Variants in FAM110A observed in about 807,000 individuals in gnomAD.
FAM110A encodes the protein family with sequence similarity 110 member A.
Under a neutral mutation model 4.0 loss-of-function variants are expected in FAM110A, and 1 was observed. That is an observed-to-expected ratio of 0.25 (90% CI 0.09 to 1.20). FAM110A has a LOEUF of 1.20. Among genes scored for constraint, FAM110A ranks in the 50% most tolerant of loss-of-function variants. The pLI is 0.50. For synonymous variants in FAM110A, 217 were observed against 196.8 expected, an observed-to-expected ratio of 1.10 and a Z score of -0.86; for missense variants, 436 against 429.2, an observed-to-expected ratio of 1.02 and a Z score of -0.14.
chr20:845,476 G>A lies in FAM110A; in HGVS notation c.672G>A (p.Leu224=). 1.9e-6 allele frequency: 3 copies of A among 1,613,250 alleles called. No homozygotes were observed. The highest frequency in any genetic ancestry group is 2.5e-6 in the Non-Finnish European group (3 of 1,179,670). ...EEARGLGVAH[L]ARASSDIVSL... ...CGAGAGGGTTGGGTGTGGCCCACCTGGCACGGGCCAGCTCGGATATCGTGT... is the reference window on the plus strand; with the variant it reads ...CGAGAGGGTTGGGTGTGGCCCACCTAGCACGGGCCAGCTCGGATATCGTGT... Residue 224 remains leucine (L), a synonymous_variant, in exon 2 of 2, where the codon CTG becomes CTA. Transcript: ENST00000381941.
At position 840,616 on chromosome 20, in the gene FAM110A, G is replaced by A. The variant is rs1600008844; in HGVS notation, c.-97-4092G>A. On this transcript the variant is annotated intron_variant, in intron 1 of 1. Transcript: ENST00000381941. The surrounding 1 kb of genome is among the most constrained non-coding windows in gnomAD (Gnocchi z 4.4). ...ACGGCTGTTGTTGCCGATGTTAACC[G>A]TTTTCACAAGGCAGCTGAGGCATGC... 6.6e-6 allele frequency among the ~76,000 whole-genome samples: 1 copy of A among 152,154 alleles called. No homozygotes were observed. Among genetic ancestry groups the A allele is most frequent in the African/African-American group, 2.4e-5 (1 of 41,446 alleles).
intron 1 of FAM110A, among the ~76,000 whole-genome samples, chr20:836,361 C>T (rs1163527157): frequency 1.3e-5 from 2 of 152,016 alleles, no homozygotes; most frequent in Admixed American, 6.6e-5. Context: ...TTCCCCATTG[C>T]CTCTCCCCCC....
Position 845,594 on chromosome 20 carries a change from G to A in FAM110A, c.790G>A (p.Val264Ile), listed in dbSNP as rs1894775020. Residue 264 changes from valine (V) to isoleucine (I), a missense_variant, in exon 2 of 2, where the codon GTT becomes ATT. Physicochemically the swap from Val to Ile is conservative, Grantham distance 29. Transcript: ENST00000381941. ...VTVEERARER[V>I]PYGVSVVERN... Reference sequence around the variant, plus strand: ...TGTTGAGGAGCGGGCCCGGGAGCGCGTTCCCTATGGCGTGTCGGTGGTGGA... The same window carrying A: ...TGTTGAGGAGCGGGCCCGGGAGCGCATTCCCTATGGCGTGTCGGTGGTGGA... 6.2e-7 allele frequency: 1 copy of A among 1,614,042 alleles called. No individual in the cohort carries two copies. Among genetic ancestry groups the A allele is most frequent in the Non-Finnish European group, 8.5e-7 (1 of 1,180,014 alleles).
intron 1 of FAM110A, among the ~76,000 whole-genome samples, chr20:841,677 C>T (rs1043605696): frequency 6.6e-6 from 1 of 152,196 alleles, no homozygotes; most frequent in Non-Finnish European, 1.5e-5. Flanking sequence ...ATGCGCGCCC[C>T]CGGGATGCAA....
rs767515662 is a variant in FAM110A at position 845,189 on chromosome 20, C to T, written c.385C>T (p.Arg129Trp). Residue 129 changes from arginine to tryptophan, a missense_variant, in exon 2 of 2, where the codon CGG becomes TGG. Arg to Trp is a moderately radical substitution (Grantham distance 101). Transcript: ENST00000381941. ...TGCCGAGGCCAGCCGCACTCCTGGA[C>T]GGGCCGAGGGAGCCGGCCGTCCTCC... The part of the protein sequence containing the change: ...SPAEASRTPG[R>W]AEGAGRPPPA... 1.0e-5 allele frequency: 16 copies of T among 1,568,198 alleles called. No homozygotes were observed. In the Admixed American group the frequency reaches 2.9e-4, roughly 28 times the overall value.
intron 1 of FAM110A, chr20:839,977 T>C: frequency 7.2e-7 from 1 of 1,385,782 alleles, no homozygotes; most frequent in Non-Finnish European, 1.0e-6. Flanking sequence ...GGCATCAGCA[T>C]CTTGGCAGCT....
rs1357542499 is a variant in FAM110A at position 845,071 on chromosome 20, C to T, written c.267C>T (p.Ser89=). The T allele has an allele frequency of 1.3e-6, 2 of 1,595,666 alleles. No individual in the cohort carries two copies. The highest frequency in any genetic ancestry group is 1.7e-6 in the Non-Finnish European group (2 of 1,172,286). The change falls in exon 2 of 2, where the codon AGC becomes AGT. Residue 89 remains serine, a synonymous_variant. Transcript: ENST00000381941. ...PETRRTVLTP[S]RRALPGPCRR... is the part of the protein sequence containing the mutation. Reference sequence around the variant, plus strand: ...CTCGCCGCACAGTGCTCACGCCCAGCCGCCGAGCCCTGCCTGGCCCCTGCC... The same window carrying T: ...CTCGCCGCACAGTGCTCACGCCCAGTCGCCGAGCCCTGCCTGGCCCCTGCC...
At chr20:843,967 G>A (rs777751517) in intron 1 of FAM110A, among the ~76,000 whole-genome samples, 2 of 152,222 alleles carry the variant, frequency 1.3e-5, no homozygotes, top group African/African-American at 4.8e-5. Context: ...GTGGATCACC[G>A]TGGGCCATCC....
intron 1 of FAM110A, 92 bp from the exon 2 acceptor site, chr20:844,616 T>C (rs1256742724): frequency 3.4e-6 from 3 of 873,448 alleles, no homozygotes; most frequent in Non-Finnish European, 4.7e-6. Flanking sequence ...TACCTTATAA[T>C]AGGGAGGGCG....
At chr20:836,704 T>G (rs965931478) in intron 1 of FAM110A, among the ~76,000 whole-genome samples, 7 of 152,192 alleles carry the variant, frequency 4.6e-5, no homozygotes, top group African/African-American at 1.7e-4. Context: ...TGTTTTTAAT[T>G]GTTTTGGGTA....
Position 840,253 on chromosome 20 carries a change from C to G in FAM110A, c.-97-4455C>G, listed in dbSNP as rs558198743. ...AAGGAAAGCTGATGTGCATCACTGCCGGTCTCCTCATGCCCTGTACCCTAG... is the reference window on the plus strand; with the variant it reads ...AAGGAAAGCTGATGTGCATCACTGCGGGTCTCCTCATGCCCTGTACCCTAG... On this transcript the variant is annotated intron_variant, in intron 1 of 1. Coordinates refer to ENST00000381941, the MANE Select transcript of FAM110A (RefSeq NM_001042353.3). The surrounding 1 kb of genome is among the most constrained non-coding windows in gnomAD (Gnocchi z 4.4). 1.3e-5 allele frequency among the ~76,000 whole-genome samples: 2 copies of G among 152,084 alleles called. No homozygotes were observed. The highest frequency in any genetic ancestry group is 6.5e-5 in the Admixed American group (1 of 15,268).
intron 1 of FAM110A, among the ~76,000 whole-genome samples, chr20:836,551 T>C (rs1337428467): frequency 3.9e-5 from 6 of 152,256 alleles, no homozygotes; most frequent in African/African-American, 9.6e-5. Context: ...TTCTTTTTTA[T>C]GGCGGAATAA....
chr20:846,087 T>C lies in FAM110A; in HGVS notation c.*395T>C, dbSNP rs1780200843. ...CCTTCCTTCCTTGGCCTCTGTCCTTTGCTGACTTCCTCTTCCTTACCCAGC... is the reference window on the plus strand; with the variant it reads ...CCTTCCTTCCTTGGCCTCTGTCCTTCGCTGACTTCCTCTTCCTTACCCAGC... On this transcript the variant is annotated 3_prime_UTR_variant, in exon 2 of 2. Coordinates refer to ENST00000381941, the MANE Select transcript of FAM110A (RefSeq NM_001042353.3). 1 of 241,660 alleles carries C rather than the reference T, an allele frequency of 4.1e-6. No homozygotes were observed. The highest frequency in any genetic ancestry group is 5.3e-5 in the South Asian group (1 of 18,912). The allele number at this position is 241,660 out of a possible 1,614,324, so 15.0% of individuals were successfully genotyped here. A position where few individuals can be genotyped will look rare whatever the true frequency, so the allele number is the denominator to read the frequency against.
Position 834,005 on chromosome 20 carries a change from C to T in FAM110A, c.-98+54C>T, listed in dbSNP as rs1323815388. The T allele has an allele frequency of 1.3e-5, 2 of 152,346 alleles. No individual in the cohort carries two copies. The highest frequency in any genetic ancestry group is 2.9e-5 in the Non-Finnish European group (2 of 68,154). The allele number at this position is 152,346 out of a possible 1,614,324, so 9.4% of individuals were successfully genotyped here. On this transcript the variant is annotated intron_variant, in intron 1 of 1. Transcript: ENST00000381941. The surrounding 1 kb of genome is among the most constrained non-coding windows in gnomAD (Gnocchi z 5.6). ...CCCCGGGTCTGGGGGCCCCGTTCCC[C>T]GAGCGTCTGCTGTCTGCTTTCTCCC...
intron 1 of FAM110A, among the ~76,000 whole-genome samples, chr20:838,886 C>A (rs1568780532): frequency 6.8e-6 from 1 of 146,908 alleles, no homozygotes; most frequent in Non-Finnish European, 1.5e-5. Flanking sequence ...GTGGCTCAAT[C>A]TCAGCTCACT....
chr20:837,036 C>T (rs1193224544), intron 1 of FAM110A, among the ~76,000 whole-genome samples: 1 of 146,122 alleles, frequency 6.8e-6, no homozygotes, highest in African/African-American at 2.5e-5. Flanking sequence ...GTTCAAGTGA[C>T]TCTGCATTGT....
At chr20:837,241 C>T (rs1394269137) in intron 1 of FAM110A, among the ~76,000 whole-genome samples, 4 of 151,850 alleles carry the variant, frequency 2.6e-5, no homozygotes, top group African/African-American at 4.8e-5. Context: ...TTAGTAGAGA[C>T]GGGGTTTCAT....
In FAM110A at chr20:844,231, ACCTT is replaced by A. The variant is rs373921920; in HGVS notation, c.-97-472_-97-469del. ...TTTAACCCTACGCCCCGGTGCCAGCACCTTCCTTTTTGGTGGTCAGGGGCAGAGC... is the reference window on the plus strand; with the variant it reads ...TTTAACCCTACGCCCCGGTGCCAGCACCTTTTTGGTGGTCAGGGGCAGAGC... On this transcript the variant is annotated intron_variant, in intron 1 of 1. Transcript: ENST00000381941. Among the ~76,000 whole-genome samples the A allele has an allele frequency of 3.3e-5, 5 of 152,124 alleles. No individual in the cohort carries two copies. The East Asian group carries it at 9.7e-4, about 30-fold the overall frequency.
rs1223663205 is a variant in FAM110A, at chr20:845,560, C to T, written c.756C>T (p.Ser252=). The change falls in exon 2 of 2, where the codon AGC becomes AGT. Residue 252 remains serine (S), a synonymous_variant. Coordinates refer to ENST00000381941, the MANE Select transcript of FAM110A (RefSeq NM_001042353.3). ...GSSEGGCSRR[S]SVTVEERARE... is the part of the protein sequence containing the mutation. The stretch of plus-strand genomic sequence containing the variant: ...CTGAAGGGGGCTGCTCCCGCCGCAG[C>T]TCGGTGACTGTTGAGGAGCGGGCCC... 1.2e-5 allele frequency: 19 copies of T among 1,613,560 alleles called. No individual in the cohort carries two copies. Among genetic ancestry groups the T allele is most frequent in the Non-Finnish European group, 1.6e-5 (19 of 1,179,880 alleles).
Sources: allele counts gnomAD v4.1 joint callset (sites outside exome capture counted in the v4.1 genomes callset), GRCh38; gene constraint gnomAD v4.1.1; non-coding constraint Gnocchi (gnomAD v3.1); transcripts MANE v1.5; gene names NCBI Gene and HGNC (gene_info 2026-07-23, HGNC 2026-07-21).